KLC3: variants seen among roughly 807,000 people sequenced by gnomAD.
KLC3 encodes kinesin light chain 2.
KLC3 carries 72 observed loss-of-function variants against 62.9 expected under a neutral mutation model. That is an observed-to-expected ratio of 1.15 (90% CI 0.95 to 1.39). The LOEUF is 1.39. KLC3 is among the 40% of genes most tolerant of loss of function. The probability of loss-of-function intolerance (pLI) is 0.00; values close to 1 mark genes in which losing one functional copy is unlikely to be tolerated. For missense variants in KLC3, 848 were observed against 691.6 expected (o/e 1.23, Z -2.54); for synonymous variants, 377 against 300.5 (o/e 1.25, Z -2.63).
At position 45,350,971 on chromosome 19, in the gene KLC3, C is replaced by G. The variant is rs1338289526; in HGVS notation, c.1397C>G (p.Ser466Ter). 1.2e-6 allele frequency: 2 copies of G among 1,614,144 alleles called. No homozygotes were observed. Among genetic ancestry groups the G allele is most frequent in the South Asian group, 1.1e-5 (1 of 91,086 alleles). The part of the protein sequence containing the change: ...AGAAGMKRAM[S>*]LNTLNVDAPR... ...CTTTGCAGAATGAAGAGAGCCATGT[C>G]ACTCAACACACTGAACGTGGATGCT... The change falls in exon 12 of 13, where the codon TCA (serine) becomes TGA (stop). Residue 466 changes from serine to a stop codon, truncating the protein, a stop_gained. Coordinates refer to ENST00000391946, the MANE Select transcript of KLC3 (RefSeq NM_177417.3). LOFTEE classifies it high-confidence loss of function.
At chr19:45,341,300 T>G (rs1298443202) in intron 1 of KLC3, among the ~76,000 whole-genome samples, 1 of 151,828 alleles carries the variant, frequency 6.6e-6, no homozygotes, top group Non-Finnish European at 1.5e-5. Flanking sequence ...TGGGACTGTG[T>G]GTATGATGTG....
chr19:45,349,693 G>A (rs1286950670), intron 8 of KLC3, 91 bp downstream of exon 8: 35 of 993,822 alleles, frequency 3.5e-5, no homozygotes, highest in Non-Finnish European at 4.6e-5. Context: ...AGCAACGTGA[G>A]GGTGGGGGGG....
At chr19:45,350,231 G>A in intron 8 of KLC3, 110 bp from the exon 9 acceptor site, 4 of 781,280 alleles carry the variant, frequency 5.1e-6, no homozygotes, top group Non-Finnish European at 6.2e-6. Flanking sequence ...AGACCAGCCT[G>A]GGCAACATAC....
In KLC3 at chr19:45,348,876, G is replaced by A. The variant is rs775105388; in HGVS notation, c.924G>A (p.Arg308=). 1.3e-5 allele frequency: 20 copies of A among 1,588,258 alleles called. No individual in the cohort carries two copies. The highest frequency in any genetic ancestry group is 1.6e-5 in the Non-Finnish European group (19 of 1,167,798). ...AVLYGKRGRY[R]EAEPLCQRAL... ...TCTATGGGAAGCGTGGGCGTTACCG[G>A]GAGGCAGAGCCCCTGTGCCAGCGCG... The change falls in exon 7 of 13, where the codon CGG becomes CGA. Residue 308 remains arginine (R), a synonymous_variant. Transcript: ENST00000391946.
At position 45,341,802 on chromosome 19, in the gene KLC3, T is replaced by TGTAG. The variant is rs139012889; in HGVS notation, c.-9+956_-9+957insGTAG. Among the ~76,000 whole-genome samples the TGTAG allele has an allele frequency of 7.7e-3, 1,060 of 137,216 alleles. 22 individuals are homozygous for TGTAG. Among genetic ancestry groups the TGTAG allele is most frequent in the African/African-American group, 0.025 (962 of 38,076 alleles). 90.0% of individuals were successfully genotyped at this position (137,216 alleles called of 152,430 possible). On this transcript the variant is annotated intron_variant, in intron 1 of 12. Coordinates refer to ENST00000391946, the MANE Select transcript of KLC3 (RefSeq NM_177417.3). ...GTGTGTGTGTGTGTGTGTGTGTGTGTAGAGAGGAACTAGAGGGTGTGTGAT... is the reference window on the plus strand; with the variant it reads ...GTGTGTGTGTGTGTGTGTGTGTGTGTGTAGAGAGAGGAACTAGAGGGTGTGTGAT...
Position 45,350,659 on chromosome 19 carries a change from T to A in KLC3, c.1291T>A (p.Ser431Thr). 1.9e-6 allele frequency: 3 copies of A among 1,613,518 alleles called. No individual in the cohort carries two copies. The highest frequency in any genetic ancestry group is 2.5e-6 in the Non-Finnish European group (3 of 1,179,816). The change falls in exon 11 of 13, where the codon TCA (serine) becomes ACA (threonine). Residue 431 changes from serine to threonine, a missense_variant. Coordinates refer to ENST00000391946, the MANE Select transcript of KLC3 (RefSeq NM_177417.3). ...DAEQALRRSSSLSKIRESIRR... is the reference protein window; with the variant it reads ...DAEQALRRSSTLSKIRESIRR... ...TCCCCAGGCCCTTCGCCGCAGCAGC[T>A]CACTCTCCAAGATCCGTGAGTCTAT...
chr19:45,347,327 C>T (rs1031476182), intron 3 of KLC3, 120 bp from the exon 4 acceptor site: 33 of 707,280 alleles, frequency 4.7e-5, no homozygotes, highest in African/African-American at 3.2e-4. Context: ...GTGCAACAAG[C>T]GAAACTCCGT....
intron 11 of KLC3, 88 bp downstream of exon 11, chr19:45,350,835 T>G: frequency 1.4e-6 from 1 of 734,934 alleles, no homozygotes; most frequent in Non-Finnish European, 2.0e-6. Context: ...CTCAAGAACC[T>G]TCCATGGCTC....
Position 45,350,707 on chromosome 19 carries a change from G to C in KLC3, c.1339G>C (p.Val447Leu). 6.2e-7 allele frequency: 1 copy of C among 1,613,688 alleles called. No homozygotes were observed. Among genetic ancestry groups the C allele is most frequent in the African/African-American group, 1.3e-5 (1 of 75,028 alleles). The change falls in exon 11 of 13, where the codon GTC becomes CTC. Residue 447 changes from valine to leucine, a missense_variant. Val to Leu is a conservative substitution (Grantham distance 32). Transcript: ENST00000391946. ...ESIRRGSEKL[V>L]SRLRGEAAAG... ...TATCAGGCGAGGAAGTGAGAAGCTG[G>C]TCTCCCGGCTCCGAGGCGAGGCGGC...
intron 1 of KLC3, among the ~76,000 whole-genome samples, 158 bp downstream of exon 1, chr19:45,341,004 T>G (rs1271519611): frequency 3.3e-5 from 5 of 151,862 alleles, no homozygotes; most frequent in African/African-American, 1.2e-4. Flanking sequence ...GAGGCCTGGC[T>G]GGGGTCCCAT....
chr19:45,350,528 GGCACAGCTGGTGAC>G lies in KLC3; in HGVS notation c.1253_1266del (p.Thr418ArgfsTer15), dbSNP rs1971688067. On this transcript the variant is annotated frameshift_variant, in exon 10 of 13. Transcript: ENST00000391946. LOFTEE classifies it high-confidence loss of function. ...TTTCCCCCTAGGTGCCCCCAACACA[GGCACAGCTGGTGAC>G]GCAGAACAGGTGAGGATGGGCTGTG... The G allele has an allele frequency of 3.1e-6, 5 of 1,613,762 alleles. No individual in the cohort carries two copies. Among genetic ancestry groups the G allele is most frequent in the Non-Finnish European group, 4.2e-6 (5 of 1,179,978 alleles).
rs1306775698 is a variant in KLC3 at position 45,350,450 on chromosome 19, T to C, written c.1234+19T>C. 1.2e-6 allele frequency: 2 copies of C among 1,609,036 alleles called. No homozygotes were observed. The highest frequency in any genetic ancestry group is 2.7e-5 in the African/African-American group (2 of 74,330). On this transcript the variant is annotated intron_variant, in intron 9 of 12. Transcript: ENST00000391946. ...CCTCTCGGTGAGCCCCTAGCCCCTG[T>C]CTGTCTTCCCTCCTGGTGGCTTCTC...
chr19:45,349,692 AGGGT>A, intron 8 of KLC3, 90 bp downstream of exon 8: 2 of 678,336 alleles, frequency 2.9e-6, no homozygotes, highest in Non-Finnish European at 4.3e-6. Flanking sequence ...GAGCAACGTG[AGGGT>A]GGGGGGGGGC....
At chr19:45,346,862 C>T (rs1280131354) in intron 3 of KLC3, 88 bp downstream of exon 3, 1 of 1,240,748 alleles carries the variant, frequency 8.1e-7, no homozygotes, top group Non-Finnish European at 1.1e-6. Flanking sequence ...CCACAGTCCC[C>T]AAGATCCTCC....
chr19:45,347,232 C>T (rs944712249), intron 3 of KLC3: 27 of 530,344 alleles, frequency 5.1e-5, no homozygotes, highest in Non-Finnish European at 7.7e-5. Flanking sequence ...ATCCCAGCTA[C>T]TCCGGAAGCT....
chr19:45,345,567 G>T lies in KLC3; in HGVS notation c.26G>T (p.Gly9Val), dbSNP rs747961736. 2 of 1,566,044 alleles carry T rather than the reference G, an allele frequency of 1.3e-6. No homozygotes were observed. Among genetic ancestry groups the T allele is most frequent in the Admixed American group, 1.9e-5 (1 of 52,102 alleles). Residue 9 changes from glycine (G) to valine (V), a missense_variant, in exon 2 of 13, where the codon GGA (glycine) becomes GTA (valine). Coordinates refer to ENST00000391946, the MANE Select transcript of KLC3 (RefSeq NM_177417.3). Reference sequence around the variant, plus strand: ...ATGTCTGTGCAGGTAGCGGCTCCTGGAAGTGCAGGGCTGGGCCCAGAGCGC... The same window carrying T: ...ATGTCTGTGCAGGTAGCGGCTCCTGTAAGTGCAGGGCTGGGCCCAGAGCGC... MSVQVAAPGSAGLGPERLS... is the reference protein window; with the variant it reads MSVQVAAPVSAGLGPERLS...
At chr19:45,349,254 C>A (rs1971595168) in intron 7 of KLC3, among the ~76,000 whole-genome samples, 175 bp from the exon 8 acceptor site, 1 of 152,194 alleles carries the variant, frequency 6.6e-6, no homozygotes, top group Admixed American at 6.5e-5. Flanking sequence ...CCACCATGAC[C>A]TCTGACCTTG....
intron 3 of KLC3, chr19:45,347,114 G>A (rs1017965696): frequency 1.5e-5 from 6 of 411,178 alleles, no homozygotes; most frequent in Non-Finnish European, 2.6e-5. Flanking sequence ...AGGCCGAGGC[G>A]AGCAGATCAC....
intron 2 of KLC3, 59 bp downstream of exon 2, chr19:45,345,858 A>C: frequency 6.7e-7 from 1 of 1,484,568 alleles, no homozygotes; most frequent in Non-Finnish European, 8.9e-7. Context: ...AGGGAGGGCC[A>C]GGCATGAGGG....
Sources: gnomAD v4.1 joint callset for allele counts (sites outside exome capture counted in the v4.1 genomes callset) on GRCh38, gnomAD v4.1.1 for gene constraint, MANE v1.5 for transcripts, NCBI Gene and HGNC (gene_info 2026-07-23, HGNC 2026-07-21) for gene names.